CREM: variants seen among roughly 807,000 people sequenced by gnomAD.
The protein encoded by CREM is cAMP-responsive element modulator.
Under a neutral mutation model 37.3 loss-of-function variants are expected in CREM, and 13 were observed. That is an observed-to-expected ratio of 0.35 (90% CI 0.23 to 0.55). CREM has a LOEUF of 0.55. CREM is among the 20% of genes least tolerant of loss of function. The pLI is 0.88. For synonymous variants in CREM, 124 were observed against 120.2 expected, an observed-to-expected ratio of 1.03 and a Z score of -0.21; for missense variants, 296 against 362.3, an observed-to-expected ratio of 0.82 and a Z score of 1.49.
chr10:35,151,139 T>C (rs1213777694), intron 3 of CREM, among the ~76,000 whole-genome samples: 1 of 152,164 alleles, frequency 6.6e-6, no homozygotes, highest in Non-Finnish European at 1.5e-5. Context: ...TTTGGGAATG[T>C]TTTGAATAAA....
intron 3 of CREM, among the ~76,000 whole-genome samples, chr10:35,164,432 T>C (rs1778644453): frequency 6.6e-6 from 1 of 152,256 alleles, no homozygotes; most frequent in Admixed American, 6.5e-5. Context: ...GGAGAAAAGC[T>C]AATTTTTTAT....
intron 2 of CREM, among the ~76,000 whole-genome samples, chr10:35,141,456 C>G (rs1202997758): frequency 6.6e-6 from 1 of 152,070 alleles, no homozygotes; most frequent in African/African-American, 2.4e-5. Context: ...ATCATCATAC[C>G]TGGTGATGAT....
intron 6 of CREM, chr10:35,195,365 G>A (rs1233813472): frequency 5.3e-6 from 4 of 754,676 alleles, no homozygotes; most frequent in Non-Finnish European, 8.6e-6. Context: ...TATATATTCA[G>A]CTCACTTTGT....
chr10:35,130,130 A>G (rs1272557376), intron 1 of CREM, among the ~76,000 whole-genome samples: 3 of 142,806 alleles, frequency 2.1e-5, no homozygotes, highest in South Asian at 2.3e-4. Flanking sequence ...CCGGAGGCGG[A>G]GGGTGCAGTG....
At chr10:35,170,678 G>T (rs1008600339) in intron 3 of CREM, among the ~76,000 whole-genome samples, 15 of 152,192 alleles carry the variant, frequency 9.9e-5, no homozygotes, top group South Asian at 6.2e-4. Flanking sequence ...ATTTTCTAGT[G>T]TATTTGCATA....
intron 2 of CREM, among the ~76,000 whole-genome samples, chr10:35,147,344 T>C (rs1367233567): frequency 1.3e-5 from 2 of 152,134 alleles, no homozygotes; most frequent in East Asian, 3.8e-4. Flanking sequence ...TGAGCCACCG[T>C]GCCCGGCCTC....
intron 6 of CREM, among the ~76,000 whole-genome samples, chr10:35,202,564 C>T (rs1386863833): frequency 6.6e-6 from 1 of 151,984 alleles, no homozygotes; most frequent in Admixed American, 6.6e-5. Context: ...CTGTCTTTGC[C>T]CATATCTTTT....
At chr10:35,129,598 G>A (rs2045917) in intron 1 of CREM, among the ~76,000 whole-genome samples, 49,019 of 151,976 alleles carry the variant, frequency 0.32, 8,004 homozygotes, top group Non-Finnish European at 0.35. Context: ...TTAAGTGGAT[G>A]TTCTTACTGA....
At chr10:35,193,157 T>C (rs1158131750) in intron 6 of CREM, among the ~76,000 whole-genome samples, 1 of 152,304 alleles carries the variant, frequency 6.6e-6, no homozygotes, top group East Asian at 1.9e-4. Context: ...TGCTAGATGG[T>C]AAGTTCTATT....
intron 6 of CREM, among the ~76,000 whole-genome samples, chr10:35,204,723 G>A (rs1037137171): frequency 1.3e-5 from 2 of 151,950 alleles, no homozygotes; most frequent in Admixed American, 6.6e-5. Context: ...CTTTAAGTGA[G>A]CTTCCTTGAA....
chr10:35,187,815 A>AT (rs1397692600), intron 5 of CREM, among the ~76,000 whole-genome samples: 1 of 152,074 alleles, frequency 6.6e-6, no homozygotes, highest in East Asian at 1.9e-4. Context: ...TTAAATGGGA[A>AT]TTTTAAATGG....
chr10:35,148,306 C>A, intron 2 of CREM, 62 bp from the exon 3 acceptor site: 1 of 1,500,324 alleles, frequency 6.7e-7, no homozygotes, highest in Admixed American at 2.2e-5. Context: ...GGATGTTCAA[C>A]CTGTATTTCC....
intron 3 of CREM, among the ~76,000 whole-genome samples, chr10:35,166,095 G>T (rs2093538911): frequency 6.6e-6 from 1 of 152,088 alleles, no homozygotes; most frequent in African/African-American, 2.4e-5. Context: ...TAAAAAAAAG[G>T]ATTGGAGGCA....
chr10:35,142,796 C>T (rs1182786641), intron 2 of CREM, among the ~76,000 whole-genome samples: 2 of 152,076 alleles, frequency 1.3e-5, no homozygotes, highest in African/African-American at 4.8e-5. Flanking sequence ...TATGTGGAGA[C>T]GGGGTCTCAC....
chr10:35,149,786 C>T (rs906268312), intron 3 of CREM, among the ~76,000 whole-genome samples: 3 of 151,904 alleles, frequency 2.0e-5, no homozygotes, highest in African/African-American at 7.3e-5. Flanking sequence ...CCCACTCGTT[C>T]CCTGCAGGTT....
chr10:35,211,488 G>A lies in CREM; in HGVS notation c.*90G>A, dbSNP rs1262321711. ...CCATGTGGACTTGTGGGAAGGACAC[G>A]TGTGACCCTTAAGAATCCAGTTTGG... On this transcript the variant is annotated 3_prime_UTR_variant, in exon 8 of 8. Transcript: ENST00000685392. 10 of 1,524,476 alleles carry A rather than the reference G, an allele frequency of 6.6e-6. No homozygotes were observed. The highest frequency in any genetic ancestry group is 1.8e-4 in the Middle Eastern group (1 of 5,700). 94.4% of individuals were successfully genotyped at this position (1,524,476 alleles called of 1,614,324 possible).
chr10:35,144,198 G>C (rs2091799640), intron 2 of CREM, among the ~76,000 whole-genome samples: 1 of 152,144 alleles, frequency 6.6e-6, no homozygotes, highest in Admixed American at 6.5e-5. Flanking sequence ...GCTAAATTAT[G>C]GTAAGGAGGA....
chr10:35,185,750 A>G (rs2094530430), intron 5 of CREM, among the ~76,000 whole-genome samples: 1 of 152,222 alleles, frequency 6.6e-6, no homozygotes, highest in Non-Finnish European at 1.5e-5. Context: ...GTGCTGTTAC[A>G]TCAGGGTGTC....
At chr10:35,194,206 A>G (rs190177411) in intron 6 of CREM, among the ~76,000 whole-genome samples, 11 of 144,388 alleles carry the variant, frequency 7.6e-5, no homozygotes, top group Admixed American at 2.1e-4. Flanking sequence ...GGTCTGTTCT[A>G]TGGTTGAACA....
Sources: gnomAD v4.1 joint callset for allele counts (sites outside exome capture counted in the v4.1 genomes callset) on GRCh38, gnomAD v4.1.1 for gene constraint, MANE v1.5 for transcripts, NCBI Gene and HGNC (gene_info 2026-07-23, HGNC 2026-07-21) for gene names.